NRG1: variants seen among roughly 807,000 people sequenced by gnomAD.
NRG1 encodes neuregulin 1.
Under a neutral mutation model 63.8 loss-of-function variants are expected in NRG1, and 18 were observed. That is an observed-to-expected ratio of 0.28 (90% CI 0.19 to 0.42). NRG1 has a LOEUF of 0.42. Among genes scored for constraint, NRG1 ranks in the 10% least tolerant of loss-of-function variants. NRG1 has a pLI of 1.00. For synonymous variants in NRG1, 302 were observed against 301.3 expected, an observed-to-expected ratio of 1.00 and a Z score of -0.02; for missense variants, 762 against 814.7, an observed-to-expected ratio of 0.94 and a Z score of 0.79.
chr8:31,784,886 A>T (rs1259550523), intron 1 of NRG1, among the ~76,000 whole-genome samples: 27 of 152,212 alleles, frequency 1.8e-4, no homozygotes. Flanking sequence ...GATGTTGAGC[A>T]GTCACCACGA....
intron 5 of NRG1, among the ~76,000 whole-genome samples, chr8:32,633,069 T>C (rs1045699047): frequency 1.3e-5 from 2 of 152,236 alleles, no homozygotes; most frequent in Non-Finnish European, 2.9e-5. Flanking sequence ...TTTATGCTGA[T>C]ATTTTAGAAT....
chr8:31,671,835 C>A (rs1255617618), intron 1 of NRG1, among the ~76,000 whole-genome samples: 1 of 152,042 alleles, frequency 6.6e-6, no homozygotes, highest in African/African-American at 2.4e-5. Context: ...CAAAAGATGA[C>A]TTCTGGATTT....
chr8:32,088,403 T>C (rs1372816652), intron 1 of NRG1, among the ~76,000 whole-genome samples: 1 of 152,196 alleles, frequency 6.6e-6, no homozygotes, highest in Admixed American at 6.5e-5. Flanking sequence ...TTTCGAAATA[T>C]TGTAACTGGT....
intron 1 of NRG1, among the ~76,000 whole-genome samples, chr8:31,880,649 T>C (rs1262637802): frequency 6.6e-6 from 1 of 152,222 alleles, no homozygotes; most frequent in Admixed American, 6.5e-5. Flanking sequence ...ATGTTTAACG[T>C]CATCCACACA....
intron 1 of NRG1, among the ~76,000 whole-genome samples, chr8:32,065,680 T>C (rs1338852738): frequency 6.6e-6 from 1 of 152,200 alleles, no homozygotes; most frequent in Non-Finnish European, 1.5e-5. Context: ...GCATGATTTA[T>C]AATCCTTTGG....
intron 1 of NRG1, among the ~76,000 whole-genome samples, chr8:32,337,681 A>AAAAAAAAAAAC: frequency 8.3e-6 from 1 of 120,978 alleles, no homozygotes; most frequent in African/African-American, 2.9e-5. Context: ...AAAAAAAAAA[A>AAAAAAAAAAAC]AGCTGATGCA....
Position 31,812,809 on chromosome 8 carries a change from T to C in NRG1, c.37+173378T>C, listed in dbSNP as rs139724605. On this transcript the variant is annotated intron_variant, in intron 1 of 10. Coordinates refer to the NRG1 transcript ENST00000519301. ...AAAAGGAATTGAAATGTAAAGCAGATATCAAGAGAGCAAAATTTGTCATTA... is the reference window on the plus strand; with the variant it reads ...AAAAGGAATTGAAATGTAAAGCAGACATCAAGAGAGCAAAATTTGTCATTA... Among the ~76,000 whole-genome samples, 573 of 152,324 alleles carry C rather than the reference T, an allele frequency of 3.8e-3. 2 individuals are homozygous for C. The highest frequency in any genetic ancestry group is 6.8e-3 in the Middle Eastern group (2 of 294).
At chr8:31,822,402 A>C (rs866908318) in intron 1 of NRG1, among the ~76,000 whole-genome samples, 1 of 152,068 alleles carries the variant, frequency 6.6e-6, no homozygotes, top group African/African-American at 2.4e-5. Context: ...CCTAGGTAAG[A>C]GAGTAAGTCT....
At chr8:32,463,903 TTTTTTTTTTTGGGGGA>T (rs1822687037) in intron 1 of NRG1, among the ~76,000 whole-genome samples, 1 of 90,104 alleles carries the variant, frequency 1.1e-5, no homozygotes. Flanking sequence ...TTTTTTTTTT[TTTTTTTTTTTGGGGGA>T]GGGTCTCATT....
intron 1 of NRG1, among the ~76,000 whole-genome samples, chr8:31,642,270 C>G (rs1444013342): frequency 1.3e-5 from 2 of 152,124 alleles, no homozygotes; most frequent in African/African-American, 4.8e-5. Context: ...ACACCACTGT[C>G]CAGTTTTCAT....
At chr8:31,773,746 A>C (rs1400048351) in intron 1 of NRG1, among the ~76,000 whole-genome samples, 1 of 151,882 alleles carries the variant, frequency 6.6e-6, no homozygotes, top group Non-Finnish European at 1.5e-5. Context: ...TATCTTTTCA[A>C]ATCCAGATTT....
intron 1 of NRG1, among the ~76,000 whole-genome samples, chr8:32,407,254 ATG>A (rs368909349): frequency 7.6e-6 from 1 of 132,168 alleles, no homozygotes; most frequent in East Asian, 2.1e-4. Flanking sequence ...CTATATATAT[ATG>A]TGTGTGTGTA....
chr8:31,963,017 C>T (rs1324975181), intron 1 of NRG1, among the ~76,000 whole-genome samples: 2 of 152,156 alleles, frequency 1.3e-5, no homozygotes, highest in East Asian at 1.9e-4. Flanking sequence ...AAAGTGACTG[C>T]GTGTTCTCAT....
At chr8:32,203,476 C>T (rs1390190891) in intron 1 of NRG1, among the ~76,000 whole-genome samples, 1 of 151,918 alleles carries the variant, frequency 6.6e-6, no homozygotes, top group Non-Finnish European at 1.5e-5. Context: ...CAGCTTCAAG[C>T]AGTTCTCCTG....
At chr8:31,986,606 T>C (rs1438202724) in intron 1 of NRG1, among the ~76,000 whole-genome samples, 1 of 152,176 alleles carries the variant, frequency 6.6e-6, no homozygotes, top group African/African-American at 2.4e-5. Context: ...CACTTAGTTT[T>C]CTTCTCAAAT....
chr8:32,296,978 G>A (rs1290798209), intron 1 of NRG1, among the ~76,000 whole-genome samples: 1 of 152,004 alleles, frequency 6.6e-6, no homozygotes, highest in Non-Finnish European at 1.5e-5. Flanking sequence ...AGCTGGGCGT[G>A]GTGGCCCGCA....
chr8:32,725,549 C>G (rs777780113), intron 5 of NRG1, among the ~76,000 whole-genome samples: 1 of 138,120 alleles, frequency 7.2e-6, no homozygotes, highest in Non-Finnish European at 1.5e-5. Flanking sequence ...AATCTCGGCT[C>G]ACTGCAACCA....
At chr8:32,489,767 G>A (rs1826330838) in intron 1 of NRG1, among the ~76,000 whole-genome samples, 1 of 152,206 alleles carries the variant, frequency 6.6e-6, no homozygotes, top group African/African-American at 2.4e-5. Context: ...ATACAGCCAA[G>A]TTTTGGCTCA....
At chr8:32,279,021 G>A (rs2129473023) in intron 1 of NRG1, among the ~76,000 whole-genome samples, 1 of 152,302 alleles carries the variant, frequency 6.6e-6, no homozygotes, top group East Asian at 1.9e-4. Flanking sequence ...TTATGTTGAT[G>A]AATAAAGGGA....
Sources: gnomAD v4.1 joint callset for allele counts (sites outside exome capture counted in the v4.1 genomes callset) on GRCh38, gnomAD v4.1.1 for gene constraint, MANE v1.5 for transcripts, NCBI Gene and HGNC (gene_info 2026-07-23, HGNC 2026-07-21) for gene names.